PRORP: variants seen among roughly 807,000 people sequenced by gnomAD.
The protein encoded by PRORP is mitochondrial ribonuclease P catalytic subunit.
PRORP carries 51 observed loss-of-function variants against 59.4 expected under a neutral mutation model. The ratio of observed to expected loss-of-function variants is 0.86; its 90% CI spans 0.69 to 1.08. The LOEUF (loss-of-function observed/expected upper bound fraction) is 1.08. Among genes scored for constraint, PRORP ranks in the 50% least tolerant of loss-of-function variants. The pLI is 0.00. For missense variants in PRORP, 646 were observed against 690.3 expected, an observed-to-expected ratio of 0.94 and a Z score of 0.72; for synonymous variants, 231 against 245.6, an observed-to-expected ratio of 0.94 and a Z score of 0.55.
chr14:35,252,000 GATATGA>G (rs1219551596), intron 5 of PRORP, among the ~76,000 whole-genome samples: 1 of 152,038 alleles, frequency 6.6e-6, no homozygotes, highest in African/African-American at 2.4e-5. Flanking sequence ...ATCCTATACT[GATATGA>G]ATATAAATTT....
chr14:35,125,846 C>T (rs1293105117), intron 2 of PRORP, among the ~76,000 whole-genome samples: 1 of 152,118 alleles, frequency 6.6e-6, no homozygotes, highest in East Asian at 1.9e-4. Flanking sequence ...TGGTGAAACC[C>T]TGTCTCTACA....
intron 5 of PRORP, among the ~76,000 whole-genome samples, chr14:35,195,204 A>T (rs1436628805): frequency 6.6e-6 from 1 of 152,164 alleles, no homozygotes; most frequent in Admixed American, 6.5e-5. Flanking sequence ...TATCTATTCA[A>T]AATATACAGT....
chr14:35,172,844 G>A (rs1419535655), intron 4 of PRORP, among the ~76,000 whole-genome samples: 1 of 151,238 alleles, frequency 6.6e-6, no homozygotes, highest in Non-Finnish European at 1.5e-5. Context: ...GGGATTACAG[G>A]TGTGAGCCAC....
chr14:35,136,350 A>G (rs2047371906), intron 4 of PRORP, among the ~76,000 whole-genome samples: 1 of 148,858 alleles, frequency 6.7e-6, no homozygotes, highest in South Asian at 2.1e-4. Context: ...AGATAATTGA[A>G]TATCCGACAA....
chr14:35,261,502 G>A (rs931606483), intron 5 of PRORP, among the ~76,000 whole-genome samples: 3 of 152,132 alleles, frequency 2.0e-5, no homozygotes, highest in Admixed American at 6.5e-5. Context: ...AGGCCAAGGC[G>A]GGCAGATCAC....
intron 4 of PRORP, among the ~76,000 whole-genome samples, chr14:35,152,602 G>A (rs1176971526): frequency 6.6e-6 from 1 of 151,214 alleles, no homozygotes; most frequent in Non-Finnish European, 1.5e-5. Flanking sequence ...CCGGGCGGGG[G>A]CTGACCCCCC....
chr14:35,134,241 C>T (rs1438592860), intron 4 of PRORP, among the ~76,000 whole-genome samples: 2 of 152,092 alleles, frequency 1.3e-5, no homozygotes, highest in Non-Finnish European at 2.9e-5. Flanking sequence ...AGCAGAGGAG[C>T]CCCACCGTGT....
intron 5 of PRORP, among the ~76,000 whole-genome samples, chr14:35,226,671 G>T (rs1348795873): frequency 6.6e-6 from 1 of 152,120 alleles, no homozygotes; most frequent in South Asian, 2.1e-4. Context: ...GATTTGAGGA[G>T]AAAGATAAAA....
In PRORP at chr14:35,266,718, G is replaced by T. The variant is rs754252983; in HGVS notation, c.1276-9G>T. ...TGAACTTTTGTGGTTCTGGCTTTGT[G>T]TTTTTTAGCTCTTGAATGTCGTCTC... On this transcript the variant is annotated splice_polypyrimidine_tract_variant and intron_variant, in intron 5 of 7. Transcript: ENST00000534898. 3 of 1,612,724 alleles carry T rather than the reference G, an allele frequency of 1.9e-6. No homozygotes were observed. The highest frequency in any genetic ancestry group is 2.5e-6 in the Non-Finnish European group (3 of 1,179,626).
chr14:35,147,246 GT>G lies in PRORP; in HGVS notation c.1167+19637del, dbSNP rs575124123. Among the ~76,000 whole-genome samples, 300 of 152,336 alleles carry G rather than the reference GT, an allele frequency of 2.0e-3. 2 individuals carry two copies. Among genetic ancestry groups the G allele is most frequent in the Non-Finnish European group, 3.5e-3 (238 of 68,034 alleles). ...TGGTGGTCATCTGAGCCTTCAGCAA[GT>G]TGTAATCTTTTTGCTGATGGCAAGT... On this transcript the variant is annotated intron_variant, in intron 4 of 7. Transcript: ENST00000534898.
chr14:35,161,415 C>G (rs2048057207), intron 4 of PRORP, among the ~76,000 whole-genome samples: 1 of 152,182 alleles, frequency 6.6e-6, no homozygotes, highest in South Asian at 2.1e-4. Context: ...AAGTTAGACA[C>G]TGTGTTGGCA....
intron 4 of PRORP, among the ~76,000 whole-genome samples, chr14:35,147,861 C>T (rs571105075): frequency 1.3e-5 from 2 of 152,318 alleles, no homozygotes; most frequent in South Asian, 2.1e-4. Flanking sequence ...ATATTTACAA[C>T]GTGTCTACTA....
Position 35,127,491 on chromosome 14 carries a change from G to A in PRORP, c.1047G>A (p.Ser349=), listed in dbSNP as rs748599842. The A allele has an allele frequency of 3.1e-5, 49 of 1,604,080 alleles. No homozygotes were observed. The highest frequency in any genetic ancestry group is 4.1e-5 in the Non-Finnish European group (48 of 1,175,276). ...FTTVRKSGQC[S]GCGKTIESIQ... ...ATTATAATTACAGTGGCCAGTGTTC[G>A]GGCTGTGGAAAAACCATAGAGTCTA... is the stretch of plus-strand genomic sequence containing the variant. The change falls in exon 4 of 8, where the codon TCG becomes TCA. Residue 349 remains serine (S), a synonymous_variant. Transcript: ENST00000534898.
At chr14:35,152,854 C>A (rs979487323) in intron 4 of PRORP, among the ~76,000 whole-genome samples, 2 of 151,698 alleles carry the variant, frequency 1.3e-5, no homozygotes, top group African/African-American at 2.4e-5. Flanking sequence ...AGAGACTATC[C>A]TCATTTCCTA....
At chr14:35,229,690 A>G (rs576040651) in intron 5 of PRORP, among the ~76,000 whole-genome samples, 1 of 152,294 alleles carries the variant, frequency 6.6e-6, no homozygotes, top group East Asian at 1.9e-4. Context: ...CAGTACTTAT[A>G]TGAAAAATGT....
intron 5 of PRORP, among the ~76,000 whole-genome samples, chr14:35,248,907 C>T (rs8017268): frequency 0.65 from 98,314 of 151,924 alleles, 32,718 homozygotes; most frequent in East Asian, 0.75. Flanking sequence ...AGTAGAAAAC[C>T]GCACTGGACT....
At chr14:35,169,750 C>A (rs1184548268) in intron 4 of PRORP, among the ~76,000 whole-genome samples, 1 of 152,208 alleles carries the variant, frequency 6.6e-6, no homozygotes, top group African/African-American at 2.4e-5. Context: ...CAAAGCCAAA[C>A]CATATCAATG....
chr14:35,151,836 A>G (rs2047757998), intron 4 of PRORP, among the ~76,000 whole-genome samples: 1 of 151,014 alleles, frequency 6.6e-6, no homozygotes, highest in East Asian at 1.9e-4. Flanking sequence ...AATAGTTACC[A>G]TTTACTGAAT....
chr14:35,243,757 G>A (rs890034691), intron 5 of PRORP, among the ~76,000 whole-genome samples: 13 of 152,128 alleles, frequency 8.5e-5, no homozygotes, highest in African/African-American at 3.1e-4. Flanking sequence ...TTCCCCATAA[G>A]TAAAAGGGAA....
Sources: allele counts gnomAD v4.1 joint callset (sites outside exome capture counted in the v4.1 genomes callset), GRCh38; gene constraint gnomAD v4.1.1; transcripts MANE v1.5; gene names NCBI Gene and HGNC (gene_info 2026-07-23, HGNC 2026-07-21).